Variants in USH2A observed in about 807,000 individuals in gnomAD.
USH2A encodes the protein Usher syndrome 2A (autosomal recessive, mild).
In USH2A, 443 loss-of-function variants were observed where a neutral mutation model predicts 538.9. The ratio of observed to expected loss-of-function variants is 0.82; its 90% confidence interval spans 0.76 to 0.89. The LOEUF (loss-of-function observed/expected upper bound fraction) is 0.89. USH2A is among the 40% of genes least tolerant of loss of function. The pLI, the probability that USH2A is intolerant of heterozygous loss-of-function variation, is 0.00. For synonymous variants in USH2A, 2,413 were observed against 2,273.5 expected, an observed-to-expected ratio of 1.06 and a Z score of -1.75; for missense variants, 6,633 against 6,324.8, an observed-to-expected ratio of 1.05 and a Z score of -1.65.
At chr1:215,823,465 A>T (rs1342493304) in intron 47 of USH2A, among the ~76,000 whole-genome samples, 1 of 151,734 alleles carries the variant, frequency 6.6e-6, no homozygotes, top group Non-Finnish European at 1.5e-5. Context: ...TGCTTTTAGG[A>T]TCCTCTCTTT....
At chr1:216,383,984 G>A (rs1033420238) in intron 3 of USH2A, among the ~76,000 whole-genome samples, 2 of 150,660 alleles carry the variant, frequency 1.3e-5, no homozygotes, top group Non-Finnish European at 3.0e-5. Context: ...TATCGGCATG[G>A]GGCACCACAC....
At chr1:215,956,186 C>T (rs1277072133) in intron 37 of USH2A, among the ~76,000 whole-genome samples, 1 of 152,148 alleles carries the variant, frequency 6.6e-6, no homozygotes, top group East Asian at 1.9e-4. Flanking sequence ...ATTTATTCAA[C>T]AAGCACTGAA....
chr1:216,048,843 GA>G (rs2030637181), intron 30 of USH2A, among the ~76,000 whole-genome samples, 196 bp from the exon 31 acceptor site: 1 of 152,136 alleles, frequency 6.6e-6, no homozygotes, highest in African/African-American at 2.4e-5. Flanking sequence ...GGACTCATGA[GA>G]AAAAATTGTG....
intron 58 of USH2A, among the ~76,000 whole-genome samples, chr1:215,751,454 G>A: frequency 6.6e-6 from 1 of 152,160 alleles, no homozygotes; most frequent in Non-Finnish European, 1.5e-5. Context: ...ACATGATTAA[G>A]GGCTAGAACA....
chr1:215,972,665 A>T (rs1667524700), intron 35 of USH2A, among the ~76,000 whole-genome samples: 1 of 152,206 alleles, frequency 6.6e-6, no homozygotes, highest in Admixed American at 6.6e-5. Flanking sequence ...CACTGCTGTG[A>T]TTCATTTTCC....
At chr1:215,889,087 C>T (rs767804646) in intron 40 of USH2A, 33 bp from the exon 41 acceptor site, 1 of 1,609,472 alleles carries the variant, frequency 6.2e-7, no homozygotes, top group Non-Finnish European at 8.5e-7. Context: ...AAAGTCAGAC[C>T]TCTTGGAAAT....
chr1:215,686,790 G>T (rs1473551899), intron 61 of USH2A, among the ~76,000 whole-genome samples: 1 of 152,046 alleles, frequency 6.6e-6, no homozygotes, highest in Admixed American at 6.5e-5. Context: ...ATTGCCATTT[G>T]CACAAGGTAA....
intron 4 of USH2A, among the ~76,000 whole-genome samples, chr1:216,356,213 G>A (rs758121190): frequency 6.6e-6 from 1 of 152,128 alleles, no homozygotes; most frequent in East Asian, 1.9e-4. Context: ...GAACGCTTGT[G>A]TTTCCTGAAT....
intron 8 of USH2A, among the ~76,000 whole-genome samples, chr1:216,323,119 G>A (rs1420491833): frequency 2.0e-5 from 3 of 151,706 alleles, no homozygotes; most frequent in African/African-American, 7.3e-5. Context: ...TTGCTTTTGA[G>A]AATATTTGAA....
intron 37 of USH2A, among the ~76,000 whole-genome samples, chr1:215,948,463 C>CACGT (rs1666814421): frequency 6.6e-6 from 1 of 151,260 alleles, no homozygotes; most frequent in East Asian, 1.9e-4. Flanking sequence ...CACACACACA[C>CACGT]ACGTATATAT....
Position 215,797,463 on chromosome 1 carries a change from C to T in USH2A, c.9958+1444G>A, listed in dbSNP as rs187754892. Among the ~76,000 whole-genome samples, 76 of 152,224 alleles carry T rather than the reference C, an allele frequency of 5.0e-4. 1 individual carries two copies. Among genetic ancestry groups the T allele is most frequent in the Middle Eastern group, 6.8e-3 (2 of 294 alleles). On this transcript the variant is annotated intron_variant, in intron 50 of 71. Coordinates refer to ENST00000307340, the MANE Select transcript of USH2A (RefSeq NM_206933.4). ...TTCATAGGTAGAGGGAAAAAGTCAA[C>T]GCCTGGTTTCAAAGTTTCAAAGGAC...
intron 64 of USH2A, among the ~76,000 whole-genome samples, chr1:215,664,461 TTC>T (rs1340744079): frequency 6.6e-6 from 1 of 152,164 alleles, no homozygotes; most frequent in African/African-American, 2.4e-5. Flanking sequence ...CATTAGAAAA[TTC>T]TGTTGCTTTG....
At chr1:216,302,898 A>G (rs1030502453) in intron 9 of USH2A, among the ~76,000 whole-genome samples, 11 of 152,084 alleles carry the variant, frequency 7.2e-5, no homozygotes, top group African/African-American at 2.4e-4. Context: ...TATAAATATA[A>G]TTGATAGCCT....
intron 16 of USH2A, among the ~76,000 whole-genome samples, 165 bp downstream of exon 16, chr1:216,207,108 T>C (rs1184126798): frequency 6.6e-6 from 1 of 152,222 alleles, no homozygotes; most frequent in African/African-American, 2.4e-5. Context: ...CTCATTTTTA[T>C]TGTATTTCTT....
chr1:216,097,568 G>C (rs1353956535), intron 21 of USH2A, among the ~76,000 whole-genome samples: 2 of 152,144 alleles, frequency 1.3e-5, no homozygotes, highest in Non-Finnish European at 1.5e-5. Context: ...TTTTTGACAA[G>C]AGTGAAAGAA....
intron 61 of USH2A, among the ~76,000 whole-genome samples, chr1:215,689,420 T>A (rs558764861): frequency 6.6e-6 from 1 of 152,344 alleles, no homozygotes; most frequent in African/African-American, 2.4e-5. Flanking sequence ...AAACTGCATA[T>A]CTCAGAATTC....
chr1:215,995,094 A>T (rs958617011), intron 34 of USH2A, among the ~76,000 whole-genome samples: 1 of 152,160 alleles, frequency 6.6e-6, no homozygotes, highest in Admixed American at 6.5e-5. Context: ...GTATACTAAA[A>T]TATTTCCCCT....
chr1:216,238,490 C>A (rs949010431), intron 13 of USH2A, among the ~76,000 whole-genome samples: 1 of 152,120 alleles, frequency 6.6e-6, no homozygotes, highest in South Asian at 2.1e-4. Flanking sequence ...TATGTACACA[C>A]ACTCCAAATA....
intron 38 of USH2A, among the ~76,000 whole-genome samples, chr1:215,922,260 T>C (rs796859368): frequency 3.9e-5 from 6 of 152,256 alleles, no homozygotes; most frequent in African/African-American, 1.4e-4. Context: ...GTCTTCACAG[T>C]AGGGCTGATT....
Sources: gnomAD v4.1 joint callset for allele counts (sites outside exome capture counted in the v4.1 genomes callset) on GRCh38, gnomAD v4.1.1 for gene constraint, MANE v1.5 for transcripts, NCBI Gene and HGNC (gene_info 2026-07-23, HGNC 2026-07-21) for gene names.